Variants in NYAP2 observed in about 807,000 individuals in gnomAD.
NYAP2 encodes neuronal tyrosine-phosphorylated phosphoinositide-3-kinase adapter 2.
A neutral mutation model predicts 50.4 loss-of-function variants in NYAP2; 23 were observed. The ratio of observed to expected loss-of-function variants is 0.46; its 90% CI spans 0.33 to 0.65. The LOEUF is 0.65. Among genes scored for constraint, NYAP2 ranks in the 30% least tolerant of loss-of-function variants. The pLI is 0.02. For missense variants in NYAP2, 885 were observed against 861.0 expected (o/e 1.03, Z -0.35); for synonymous variants, 394 against 365.2 (o/e 1.08, Z -0.90).
At chr2:225,550,749 A>T (rs1431079) in intron 4 of NYAP2, among the ~76,000 whole-genome samples, 93,429 of 152,066 alleles carry the variant, frequency 0.61, 31,002 homozygotes, top group South Asian at 0.85. Flanking sequence ...AAAGGAGGAA[A>T]GCCCCTGATA....
intron 4 of NYAP2, among the ~76,000 whole-genome samples, chr2:225,531,734 G>A (rs1363570519): frequency 4.6e-5 from 7 of 152,172 alleles, no homozygotes; most frequent in Admixed American, 2.6e-4. Flanking sequence ...CTCAGAGAGC[G>A]AGTGCATTTT....
At chr2:225,669,012 G>T in the NYAP2 span, among the ~76,000 whole-genome samples, 2 of 102,968 alleles carry the variant, frequency 1.9e-5, no homozygotes, top group South Asian at 3.2e-4. Flanking sequence ...AAAATTGATT[G>T]CATATGCATT....
At chr2:225,663,629 C>G in the NYAP2 span, among the ~76,000 whole-genome samples, 1 of 152,156 alleles carries the variant, frequency 6.6e-6, no homozygotes, top group Non-Finnish European at 1.5e-5. Flanking sequence ...ATGATCTCAG[C>G]TCACTGCAAC....
chr2:225,611,262 A>G (rs1203131971), intron 5 of NYAP2, among the ~76,000 whole-genome samples: 1 of 152,148 alleles, frequency 6.6e-6, no homozygotes, highest in African/African-American at 2.4e-5. Flanking sequence ...CTGTACTGCA[A>G]CCAGAGTGAT....
At chr2:225,631,351 G>T (rs1360123619) in intron 6 of NYAP2, among the ~76,000 whole-genome samples, 1 of 152,068 alleles carries the variant, frequency 6.6e-6, no homozygotes, top group Non-Finnish European at 1.5e-5. Flanking sequence ...GAGGTTTTTA[G>T]TGTTGTTTGT....
intron 3 of NYAP2, among the ~76,000 whole-genome samples, chr2:225,503,782 G>A (rs866277843): frequency 1.6e-4 from 24 of 152,112 alleles, no homozygotes; most frequent in African/African-American, 5.3e-4. Flanking sequence ...TTATCATGGT[G>A]TTTGATAGAG....
At chr2:225,638,156 TTGTGTGTGTGTGTGTGTG>T (rs146481098) in intron 6 of NYAP2, among the ~76,000 whole-genome samples, 1 of 135,220 alleles carries the variant, frequency 7.4e-6, no homozygotes, top group Non-Finnish European at 1.6e-5. Context: ...ACTCGTGTGT[TTGTGTGTGTGTGTGTGTG>T]TGTGTGTGTG....
upstream of NYAP2, among the ~76,000 whole-genome samples, chr2:225,398,957 G>T (rs1219677173): frequency 1.3e-5 from 2 of 152,046 alleles, no homozygotes; most frequent in African/African-American, 4.8e-5. Context: ...ACAGTCTCAG[G>T]TGACATTTAA....
upstream of NYAP2, among the ~76,000 whole-genome samples, chr2:225,398,856 A>T (rs539513906): frequency 3.1e-4 from 47 of 152,194 alleles, no homozygotes; most frequent in African/African-American, 1.1e-3. Flanking sequence ...GACATGTAAA[A>T]TAGAAAAGCT....
At chr2:225,534,640 T>C (rs1444789166) in intron 4 of NYAP2, among the ~76,000 whole-genome samples, 1 of 152,208 alleles carries the variant, frequency 6.6e-6, no homozygotes, top group Non-Finnish European at 1.5e-5. Context: ...AGACATCATC[T>C]TGATATTTGA....
At chr2:225,684,284 G>A in the NYAP2 span, among the ~76,000 whole-genome samples, 1 of 152,092 alleles carries the variant, frequency 6.6e-6, no homozygotes, top group Non-Finnish European at 1.5e-5. Flanking sequence ...ATGGCAACCG[G>A]CACTTTGCTT....
intron 4 of NYAP2, among the ~76,000 whole-genome samples, chr2:225,557,597 A>G (rs1691802383): frequency 6.6e-6 from 1 of 152,168 alleles, no homozygotes; most frequent in African/African-American, 2.4e-5. Context: ...GGAAGGAGCA[A>G]CATTAAATAG....
At chr2:225,524,620 A>G (rs78246049) in intron 4 of NYAP2, among the ~76,000 whole-genome samples, 203 of 152,340 alleles carry the variant, frequency 1.3e-3, no homozygotes, top group African/African-American at 4.7e-3. Context: ...AAAGATCCAA[A>G]TATAAGACCT....
At chr2:225,678,982 A>T in the NYAP2 span, among the ~76,000 whole-genome samples, 1 of 152,280 alleles carries the variant, frequency 6.6e-6, no homozygotes, top group Admixed American at 6.5e-5. Flanking sequence ...TAGATTGATG[A>T]CATCATTGGT....
At chr2:225,435,824 G>A (rs1333545412) in intron 3 of NYAP2, among the ~76,000 whole-genome samples, 1 of 152,156 alleles carries the variant, frequency 6.6e-6, no homozygotes, top group East Asian at 1.9e-4. Flanking sequence ...GATCATGAAT[G>A]CTAGTAGTAA....
At chr2:225,457,725 A>G (rs904932156) in intron 3 of NYAP2, among the ~76,000 whole-genome samples, 1 of 152,128 alleles carries the variant, frequency 6.6e-6, no homozygotes, top group Non-Finnish European at 1.5e-5. Flanking sequence ...ATTTGTGAAC[A>G]CAGAGAGATA....
chr2:225,528,160 A>T (rs1453878137), intron 4 of NYAP2, among the ~76,000 whole-genome samples: 1 of 152,220 alleles, frequency 6.6e-6, no homozygotes, highest in African/African-American at 2.4e-5. Flanking sequence ...ATTCTGAGTT[A>T]TCAGGGTGAT....
intron 3 of NYAP2, among the ~76,000 whole-genome samples, chr2:225,477,673 A>T (rs554369181): frequency 6.6e-6 from 1 of 152,294 alleles, no homozygotes; most frequent in East Asian, 1.9e-4. Context: ...CTCTCACTGC[A>T]TATGTGTGTG....
At chr2:225,437,643 C>T (rs999314486) in intron 3 of NYAP2, among the ~76,000 whole-genome samples, 9 of 152,182 alleles carry the variant, frequency 5.9e-5, no homozygotes, top group African/African-American at 2.2e-4. Context: ...ATAAAACCAA[C>T]ATATCTGCAA....
Sources: gnomAD v4.1 joint callset for allele counts (sites outside exome capture counted in the v4.1 genomes callset) on GRCh38, gnomAD v4.1.1 for gene constraint, MANE v1.5 for transcripts, NCBI Gene and HGNC (gene_info 2026-07-23, HGNC 2026-07-21) for gene names.